TMEM217: variants seen among roughly 807,000 people sequenced by gnomAD.
TMEM217 encodes transmembrane protein 217.
For missense variants in TMEM217, 204 were observed against 248.8 expected, an observed-to-expected ratio of 0.82 and a Z score of 1.21; for synonymous variants, 76 against 88.3, an observed-to-expected ratio of 0.86 and a Z score of 0.78.
intron 1 of TMEM217, among the ~76,000 whole-genome samples, chr6:37,222,273 G>T (rs965502386): frequency 6.6e-6 from 1 of 152,170 alleles, no homozygotes; most frequent in Admixed American, 6.5e-5. Flanking sequence ...CTGAGGACCC[G>T]CCCCCTTCCA....
downstream of TMEM217, among the ~76,000 whole-genome samples, chr6:37,213,987 C>T (rs773030373): frequency 1.3e-5 from 2 of 152,224 alleles, no homozygotes; most frequent in Non-Finnish European, 2.9e-5. Flanking sequence ...GAAGCCTGAC[C>T]TGGCCTCTCT....
intron 1 of TMEM217, among the ~76,000 whole-genome samples, chr6:37,229,504 G>GT (rs1764072624): frequency 6.6e-6 from 1 of 151,498 alleles, no homozygotes; most frequent in Non-Finnish European, 1.5e-5. Flanking sequence ...CACCACGCCC[G>GT]GCTAATTTTT....
chr6:37,244,789 A>C (rs1174461040), intron 1 of TMEM217, among the ~76,000 whole-genome samples: 2 of 152,204 alleles, frequency 1.3e-5, no homozygotes, highest in African/African-American at 4.8e-5. Context: ...GGCTGAGCTG[A>C]GCTGATCTCA....
At chr6:37,236,776 GCA>G (rs1764531745) in intron 1 of TMEM217, among the ~76,000 whole-genome samples, 1 of 152,144 alleles carries the variant, frequency 6.6e-6, no homozygotes, top group African/African-American at 2.4e-5. Flanking sequence ...TTCAGACAGA[GCA>G]CAGTTAGCTT....
downstream of TMEM217, among the ~76,000 whole-genome samples, chr6:37,213,516 A>G (rs1763018105): frequency 6.6e-6 from 1 of 152,226 alleles, no homozygotes; most frequent in Admixed American, 6.5e-5. Flanking sequence ...GTCCCAAGTC[A>G]CAGGGTTTGG....
chr6:37,250,157 TG>T (rs1173660042), intron 1 of TMEM217, among the ~76,000 whole-genome samples: 4 of 152,148 alleles, frequency 2.6e-5, no homozygotes, highest in Non-Finnish European at 5.9e-5. Flanking sequence ...GAAGAATAGA[TG>T]TATACAATAT....
intron 1 of TMEM217, among the ~76,000 whole-genome samples, chr6:37,226,780 C>A (rs1018663176): frequency 4.7e-5 from 1 of 21,308 alleles, no homozygotes; most frequent in Admixed American, 6.2e-4. Flanking sequence ...TCAGGCTGCT[C>A]GAACTTCTGA....
chr6:37,240,752 A>G (rs1764726779), intron 1 of TMEM217, among the ~76,000 whole-genome samples: 1 of 152,000 alleles, frequency 6.6e-6, no homozygotes, highest in South Asian at 2.1e-4. Context: ...ACAGAAAAAT[A>G]AATTTAAAAA....
At chr6:37,213,065 C>A, downstream of TMEM217, 2 of 1,040,216 alleles carry the variant, frequency 1.9e-6, no homozygotes, top group South Asian at 1.6e-5. Context: ...TCCCCCAAGT[C>A]ACTAGATATA....
At chr6:37,235,861 A>G (rs1314953392) in intron 1 of TMEM217, among the ~76,000 whole-genome samples, 1 of 152,160 alleles carries the variant, frequency 6.6e-6, no homozygotes, top group African/African-American at 2.4e-5. Flanking sequence ...ATTTTGAAGG[A>G]ACCCTCATGA....
chr6:37,215,172 G>T (rs1223429700), downstream of TMEM217: 1 of 1,610,680 alleles, frequency 6.2e-7, no homozygotes, highest in Non-Finnish European at 8.5e-7. Flanking sequence ...AGGTCCTCTG[G>T]TACATTCTAT....
At chr6:37,230,753 A>G (rs1480574939) in intron 1 of TMEM217, among the ~76,000 whole-genome samples, 1 of 152,170 alleles carries the variant, frequency 6.6e-6, no homozygotes, top group Non-Finnish European at 1.5e-5. Context: ...TAGCAAACCA[A>G]TAAAGGGGCC....
intron 1 of TMEM217, among the ~76,000 whole-genome samples, chr6:37,249,551 C>A (rs1164108241): frequency 1.3e-5 from 2 of 152,184 alleles, no homozygotes; most frequent in Non-Finnish European, 2.9e-5. Flanking sequence ...GAACTCCTGA[C>A]CTCAAGTGAT....
At chr6:37,231,571 G>A (rs1024922774) in intron 1 of TMEM217, among the ~76,000 whole-genome samples, 1 of 149,444 alleles carries the variant, frequency 6.7e-6, no homozygotes, top group East Asian at 2.0e-4. Context: ...TATTCGGGAG[G>A]CTGAGGCAGG....
chr6:37,247,143 A>C (rs1209592021), intron 1 of TMEM217, among the ~76,000 whole-genome samples: 1 of 152,234 alleles, frequency 6.6e-6, no homozygotes, highest in Non-Finnish European at 1.5e-5. Context: ...ATATGGCCTT[A>C]GAAGTCTACT....
At chr6:37,215,405 T>C (rs1257234244), downstream of TMEM217, 3 of 1,209,590 alleles carry the variant, frequency 2.5e-6, no homozygotes, top group African/African-American at 1.6e-5. Context: ...TGAAACCCCA[T>C]CTCTACTAAA....
chr6:37,227,870 T>C (rs1763934165), intron 1 of TMEM217, among the ~76,000 whole-genome samples: 1 of 152,108 alleles, frequency 6.6e-6, no homozygotes, highest in African/African-American at 2.4e-5. Flanking sequence ...TTACTTTGTA[T>C]ATATCTTGAG....
chr6:37,249,395 C>T (rs2113917278), intron 1 of TMEM217, among the ~76,000 whole-genome samples: 1 of 152,272 alleles, frequency 6.6e-6, no homozygotes, highest in Admixed American at 6.5e-5. Context: ...TCTTGGCTCA[C>T]TGCAACCTCC....
chr6:37,212,923 A>C, downstream of TMEM217: 2 of 1,550,116 alleles, frequency 1.3e-6, no homozygotes, highest in Non-Finnish European at 1.7e-6. Flanking sequence ...GGTGGTATTA[A>C]GGACAGAGAA....
Sources: gnomAD v4.1 joint callset for allele counts (sites outside exome capture counted in the v4.1 genomes callset) on GRCh38, gnomAD v4.1.1 for gene constraint, MANE v1.5 for transcripts, NCBI Gene and HGNC (gene_info 2026-07-23, HGNC 2026-07-21) for gene names.